NOS1AP: variants seen among roughly 807,000 people sequenced by gnomAD.
NOS1AP encodes nitric oxide synthase 1 adaptor protein.
NOS1AP carries 21 observed loss-of-function variants against 56.2 expected under a neutral mutation model. That is an observed-to-expected ratio of 0.37 (90% CI 0.26 to 0.54). The LOEUF is 0.54. NOS1AP is among the 20% of genes least tolerant of loss of function. The pLI, the probability that NOS1AP is intolerant of heterozygous loss-of-function variation, is 0.84. For synonymous variants in NOS1AP, 270 were observed against 274.6 expected (o/e 0.98, Z 0.17); for missense variants, 522 against 657.8 (o/e 0.79, Z 2.26).
intron 2 of NOS1AP, among the ~76,000 whole-genome samples, chr1:162,178,226 A>G (rs1253526040): frequency 6.6e-6 from 1 of 152,130 alleles, no homozygotes; most frequent in Non-Finnish European, 1.5e-5. Flanking sequence ...TGGATACACC[A>G]CAGTTGATTT....
At chr1:162,125,647 T>C (rs1347317035) in intron 1 of NOS1AP, among the ~76,000 whole-genome samples, 1 of 152,174 alleles carries the variant, frequency 6.6e-6, no homozygotes, top group East Asian at 1.9e-4. Flanking sequence ...CTGCTTTTAC[T>C]AGTACCATGC....
chr1:162,218,532 C>A (rs892917502), intron 2 of NOS1AP, among the ~76,000 whole-genome samples: 12 of 152,150 alleles, frequency 7.9e-5, no homozygotes, highest in African/African-American at 2.9e-4. Context: ...CTGCATAGGT[C>A]CTGCAGTTGT....
At chr1:162,215,058 T>TTC (rs1337448087) in intron 2 of NOS1AP, among the ~76,000 whole-genome samples, 1 of 152,214 alleles carries the variant, frequency 6.6e-6, no homozygotes, top group Non-Finnish European at 1.5e-5. Context: ...ATAGGGCTTT[T>TTC]ATGCTGCATT....
chr1:162,282,173 G>A (rs10919058), intron 2 of NOS1AP, among the ~76,000 whole-genome samples: 1 of 152,004 alleles, frequency 6.6e-6, no homozygotes, highest in Non-Finnish European at 1.5e-5. Flanking sequence ...TTACATTGCT[G>A]TACAACCATC....
At chr1:162,152,087 C>G (rs938933518) in intron 1 of NOS1AP, among the ~76,000 whole-genome samples, 17 of 152,188 alleles carry the variant, frequency 1.1e-4, no homozygotes, top group African/African-American at 4.1e-4. Flanking sequence ...TTGGCTTTCT[C>G]AGTCCAGCAG....
At chr1:162,209,808 A>G (rs551632549) in intron 2 of NOS1AP, among the ~76,000 whole-genome samples, 2 of 152,178 alleles carry the variant, frequency 1.3e-5, no homozygotes, top group African/African-American at 4.8e-5. Context: ...TCTGTACTCA[A>G]AGCAGAACCA....
intron 6 of NOS1AP, among the ~76,000 whole-genome samples, chr1:162,347,700 C>T (rs560190298): frequency 1.2e-4 from 19 of 152,176 alleles, no homozygotes; most frequent in African/African-American, 4.3e-4. Context: ...ATGTGATTCA[C>T]GATTCCCTGG....
intron 1 of NOS1AP, among the ~76,000 whole-genome samples, chr1:162,129,572 G>C (rs1432576242): frequency 1.3e-5 from 2 of 152,138 alleles, no homozygotes; most frequent in Non-Finnish European, 2.9e-5. Context: ...TTAGCAAATC[G>C]TACAGTCCCT....
intron 2 of NOS1AP, among the ~76,000 whole-genome samples, chr1:162,177,510 G>A (rs575600116): frequency 5.0e-4 from 76 of 152,280 alleles, no homozygotes; most frequent in African/African-American, 1.4e-3. Flanking sequence ...TGGGTCTGGG[G>A]TCAGTGTAGC....
chr1:162,136,215 G>A (rs1319619219), intron 1 of NOS1AP, among the ~76,000 whole-genome samples: 2 of 152,078 alleles, frequency 1.3e-5, no homozygotes, highest in Non-Finnish European at 2.9e-5. Flanking sequence ...AATTTGAAGA[G>A]GTATAATAAA....
At chr1:162,324,852 G>T (rs961835225) in intron 4 of NOS1AP, among the ~76,000 whole-genome samples, 7 of 152,040 alleles carry the variant, frequency 4.6e-5, no homozygotes, top group African/African-American at 1.7e-4. Context: ...ACTGTCTCTC[G>T]AGGTCTCTCC....
At chr1:162,264,448 C>CTCTTT (rs1654341274) in intron 2 of NOS1AP, among the ~76,000 whole-genome samples, 1 of 12,340 alleles carries the variant, frequency 8.1e-5, no homozygotes, top group African/African-American at 2.4e-4. Flanking sequence ...CTCTTCTCTT[C>CTCTTT]TCTTCTCTTC....
At chr1:162,131,893 T>C (rs1648766952) in intron 1 of NOS1AP, among the ~76,000 whole-genome samples, 1 of 152,220 alleles carries the variant, frequency 6.6e-6, no homozygotes. Flanking sequence ...TCTACAGTTC[T>C]CTAATCTTTA....
chr1:162,193,712 A>T (rs533246394), intron 2 of NOS1AP, among the ~76,000 whole-genome samples: 2 of 152,150 alleles, frequency 1.3e-5, no homozygotes, highest in South Asian at 4.2e-4. Flanking sequence ...CTGATTTTAG[A>T]GGGGGCCAGG....
intron 2 of NOS1AP, among the ~76,000 whole-genome samples, chr1:162,190,676 C>T (rs182887762): frequency 1.7e-3 from 259 of 152,132 alleles, no homozygotes; most frequent in Non-Finnish European, 2.8e-3. Context: ...TATAGTTATC[C>T]GGCAGTGGTG....
intron 8 of NOS1AP, among the ~76,000 whole-genome samples, chr1:162,362,527 C>G (rs971186765): frequency 6.6e-6 from 1 of 151,900 alleles, no homozygotes; most frequent in Non-Finnish European, 1.5e-5. Flanking sequence ...GCAGAGAGCC[C>G]TCAATAAGTG....
At chr1:162,191,271 C>T (rs1324525007) in intron 2 of NOS1AP, among the ~76,000 whole-genome samples, 1 of 152,200 alleles carries the variant, frequency 6.6e-6, no homozygotes, top group Non-Finnish European at 1.5e-5. Flanking sequence ...AAGAGACAGG[C>T]ACTACTCTGA....
At chr1:162,112,692 A>G (rs1647755721) in intron 1 of NOS1AP, among the ~76,000 whole-genome samples, 1 of 152,184 alleles carries the variant, frequency 6.6e-6, no homozygotes, top group Non-Finnish European at 1.5e-5. Flanking sequence ...TTATTGATCA[A>G]TTTTGCCACT....
intron 1 of NOS1AP, among the ~76,000 whole-genome samples, chr1:162,104,956 T>C (rs1296872818): frequency 6.6e-6 from 1 of 151,998 alleles, no homozygotes; most frequent in Non-Finnish European, 1.5e-5. Context: ...GCTGGAGAGG[T>C]GTTGTGGTCA....
Sources: allele counts gnomAD v4.1 joint callset (sites outside exome capture counted in the v4.1 genomes callset), GRCh38; gene constraint gnomAD v4.1.1; transcripts MANE v1.5; gene names NCBI Gene and HGNC (gene_info 2026-07-23, HGNC 2026-07-21).